The following FOLH1 variants were observed in gnomAD, a reference collection of about 807,000 sequenced individuals.
The protein encoded by FOLH1 is folate hydrolase 1.
FOLH1 carries 54 observed loss-of-function variants against 93.9 expected under a neutral mutation model. The ratio of observed to expected loss-of-function variants is 0.57; its 90% CI spans 0.46 to 0.72. The LOEUF (loss-of-function observed/expected upper bound fraction) is 0.72. Among genes scored for constraint, FOLH1 ranks in the 30% least tolerant of loss-of-function variants. FOLH1 has a pLI of 0.00. For missense variants in FOLH1, 571 were observed against 892.5 expected (o/e 0.64, Z 4.59); for synonymous variants, 249 against 303.6 (o/e 0.82, Z 1.87).
intron 4 of FOLH1, among the ~76,000 whole-genome samples, 196 bp downstream of exon 4, chr11:49,192,590 AGTAAGTT>A (rs1862198686): frequency 6.6e-6 from 1 of 152,226 alleles, no homozygotes; most frequent in African/African-American, 2.4e-5. Flanking sequence ...ATCTCATTGC[AGTAAGTT>A]GTATCTTTAA....
chr11:49,199,526 A>C (rs1027455239), intron 3 of FOLH1, among the ~76,000 whole-genome samples: 5 of 151,966 alleles, frequency 3.3e-5, no homozygotes, highest in African/African-American at 7.2e-5. Flanking sequence ...AGTACCAATA[A>C]AAACTTGCTG....
chr11:49,189,156 G>A (rs909551413), intron 4 of FOLH1, among the ~76,000 whole-genome samples: 2 of 152,044 alleles, frequency 1.3e-5, no homozygotes, highest in Non-Finnish European at 2.9e-5. Flanking sequence ...AGGACCTCAC[G>A]ACAGGCTAGC....
At chr11:49,147,340 CACG>C (rs1565120478) in intron 18 of FOLH1, among the ~76,000 whole-genome samples, 1 of 152,072 alleles carries the variant, frequency 6.6e-6, no homozygotes, top group Non-Finnish European at 1.5e-5. Context: ...TCTCAAGGCA[CACG>C]ACAAGTAACT....
chr11:49,189,645 G>A (rs7119205), intron 4 of FOLH1, among the ~76,000 whole-genome samples: 5,123 of 152,290 alleles, frequency 0.034, 123 homozygotes, highest in Non-Finnish European at 0.051. Context: ...CTCATGGTAA[G>A]TTGAGAAGTG....
At chr11:49,150,412 G>C (rs1290143517) in intron 17 of FOLH1, among the ~76,000 whole-genome samples, 1 of 152,064 alleles carries the variant, frequency 6.6e-6, no homozygotes, top group Admixed American at 6.6e-5. Flanking sequence ...ATAATTAACT[G>C]ATCAACCCAG....
chr11:49,201,207 T>A (rs1368354236), intron 2 of FOLH1, among the ~76,000 whole-genome samples: 10 of 150,846 alleles, frequency 6.6e-5, no homozygotes, highest in African/African-American at 2.4e-4. Flanking sequence ...GTAAGTATTT[T>A]TAACTTAAGC....
At chr11:49,185,618 G>A (rs769253546) in intron 6 of FOLH1, 51 bp downstream of exon 6, 3 of 1,604,598 alleles carry the variant, frequency 1.9e-6, no homozygotes, top group Non-Finnish European at 2.6e-6. Flanking sequence ...CTTTAATAAA[G>A]TCTCTTTCAA....
intron 13 of FOLH1, among the ~76,000 whole-genome samples, chr11:49,160,568 G>A (rs1385650454): frequency 4.0e-5 from 6 of 151,830 alleles, no homozygotes; most frequent in African/African-American, 9.7e-5. Flanking sequence ...TCAGCCTCCC[G>A]AATAGCTGGG....
At chr11:49,182,976 T>C (rs1242880741) in intron 7 of FOLH1, among the ~76,000 whole-genome samples, 173 bp downstream of exon 7, 2 of 152,214 alleles carry the variant, frequency 1.3e-5, no homozygotes, top group Non-Finnish European at 2.9e-5. Flanking sequence ...GATACTCATG[T>C]ATATACTAAA....
chr11:49,154,892 G>A (rs1472509283), intron 15 of FOLH1, among the ~76,000 whole-genome samples: 1 of 151,956 alleles, frequency 6.6e-6, no homozygotes, highest in Non-Finnish European at 1.5e-5. Flanking sequence ...TATAGGAGAA[G>A]ACACTAAATT....
In FOLH1 at chr11:49,146,312, G is replaced by A. The variant is rs1366294937; in HGVS notation, c.*444C>T. 6.6e-6 allele frequency among the ~76,000 whole-genome samples: 1 copy of A among 152,176 alleles called. No homozygotes were observed. The highest frequency in any genetic ancestry group is 1.9e-4 in the East Asian group (1 of 5,180). On this transcript the variant is annotated 3_prime_UTR_variant, in exon 19 of 19. Coordinates refer to ENST00000256999, the MANE Select transcript of FOLH1 (RefSeq NM_004476.3). Reference sequence around the variant, plus strand: ...TGATTTGATCCATTTCCCAAATAGTGTGCTGAGATAGTGATCCTCTCAGCC... The same window carrying A: ...TGATTTGATCCATTTCCCAAATAGTATGCTGAGATAGTGATCCTCTCAGCC...
rs1243539991 is a variant in FOLH1, at chr11:49,175,863, T to C, written c.1015A>G (p.Thr339Ala). Residue 339 changes from threonine (T) to alanine (A), a missense_variant, in exon 8 of 19, where the codon ACA becomes GCA. Coordinates refer to ENST00000256999, the MANE Select transcript of FOLH1 (RefSeq NM_004476.3). ...VGPGFTGNFSTQKVKMHIHST... is the reference protein window; with the variant it reads ...VGPGFTGNFSAQKVKMHIHST... ...AAATTAAAATAGTCTCTTAACTGTGTAGAAAAGTTTCCAGTAAAGCCAGGT... is the reference window on the plus strand; with the variant it reads ...AAATTAAAATAGTCTCTTAACTGTGCAGAAAAGTTTCCAGTAAAGCCAGGT... 1 of 1,613,132 alleles carries C rather than the reference T, an allele frequency of 6.2e-7. No homozygotes were observed. Among genetic ancestry groups the C allele is most frequent in the Admixed American group, 1.7e-5 (1 of 59,880 alleles).
At chr11:49,149,252 A>G (rs1856179815) in intron 17 of FOLH1, among the ~76,000 whole-genome samples, 1 of 152,172 alleles carries the variant, frequency 6.6e-6, no homozygotes, top group Non-Finnish European at 1.5e-5. Context: ...TCCAGATTTA[A>G]GTCTAAAAGT....
intron 7 of FOLH1, among the ~76,000 whole-genome samples, chr11:49,176,225 A>T (rs2135117552): frequency 6.6e-6 from 1 of 152,328 alleles, no homozygotes; most frequent in East Asian, 1.9e-4. Context: ...ATTGATAAGA[A>T]TTTGATCTGC....
chr11:49,202,658 T>G (rs1012566199), intron 2 of FOLH1, among the ~76,000 whole-genome samples: 12 of 152,250 alleles, frequency 7.9e-5, no homozygotes, highest in Admixed American at 2.0e-4. Context: ...ATTATCTCAG[T>G]CCTTTAAAAG....
rs1856743672 is a variant in FOLH1, at chr11:49,154,023, A to G, written c.1889-96T>C. On this transcript the variant is annotated intron_variant, in intron 16 of 18. Coordinates refer to ENST00000256999, the MANE Select transcript of FOLH1 (RefSeq NM_004476.3). ...GAAAAGGAACAATATAGAAGCCATC[A>G]TCTTTTGTGTTTTACAAGGTATTTA... 2.5e-5 allele frequency: 33 copies of G among 1,321,936 alleles called. No homozygotes were observed. The South Asian group carries it at 4.4e-4, about 18-fold the overall frequency. The allele number at this position is 1,321,936 out of a possible 1,614,324, so 81.9% of individuals were successfully genotyped here.
At chr11:49,160,396 G>A (rs528865473) in intron 13 of FOLH1, among the ~76,000 whole-genome samples, 1 of 151,998 alleles carries the variant, frequency 6.6e-6, no homozygotes, top group East Asian at 1.9e-4. Context: ...TTGTTCTCTA[G>A]TATATTTAGT....
intron 3 of FOLH1, 44 bp downstream of exon 3, chr11:49,200,211 T>C (rs1192142885): frequency 4.3e-6 from 6 of 1,405,988 alleles, no homozygotes; most frequent in Non-Finnish European, 5.7e-6. Context: ...TGAAAAAGAA[T>C]AAATGGGGGG....
intron 15 of FOLH1, among the ~76,000 whole-genome samples, chr11:49,155,749 C>T (rs937422493): frequency 7.7e-6 from 1 of 130,442 alleles, no homozygotes; most frequent in Non-Finnish European, 1.6e-5. Context: ...AACTACTTGA[C>T]ATTTTATAAA....
Sources: gnomAD v4.1 joint callset for allele counts (sites outside exome capture counted in the v4.1 genomes callset) on GRCh38, gnomAD v4.1.1 for gene constraint, MANE v1.5 for transcripts, NCBI Gene and HGNC (gene_info 2026-07-23, HGNC 2026-07-21) for gene names.